Variants in DAAM1 observed in about 807,000 individuals in gnomAD.
The protein encoded by DAAM1 is disheveled-associated activator of morphogenesis 1.
A neutral mutation model predicts 130.0 loss-of-function variants in DAAM1; 52 were observed. The ratio of observed to expected loss-of-function variants is 0.40; its 90% CI spans 0.32 to 0.50. The LOEUF (loss-of-function observed/expected upper bound fraction) is 0.50, where lower values mean the gene tolerates loss of function less well. Among genes scored for constraint, DAAM1 ranks in the 20% least tolerant of loss-of-function variants. The probability of loss-of-function intolerance (pLI) is 0.61; values close to 1 mark genes in which losing one functional copy is unlikely to be tolerated. For missense variants in DAAM1, 1,134 were observed against 1,303.8 expected (o/e 0.87, Z 2.01); for synonymous variants, 452 against 444.5 (o/e 1.02, Z -0.21).
At position 59,263,490 on chromosome 14, in the gene DAAM1, A is replaced by C. The variant is rs1051918484; in HGVS notation, c.13A>C (p.Lys5Gln). 1.2e-6 allele frequency: 2 copies of C among 1,614,232 alleles called. No homozygotes were observed. The highest frequency in any genetic ancestry group is 2.2e-5 in the South Asian group (2 of 91,088). Residue 5 changes from lysine (K) to glutamine (Q), a missense_variant, in exon 2 of 25, where the codon AAG becomes CAG. Transcript: ENST00000360909. MAPR[K>Q]RGGRGISFIF... ...ACAGAATTCAGCCATGGCCCCAAGA[A>C]AGAGAGGTGGACGAGGTATTTCATT...
At position 59,368,683 on chromosome 14, in the gene DAAM1, A is replaced by G. The variant is rs142026760; in HGVS notation, c.3031A>G (p.Arg1011Gly). Residue 1011 changes from arginine (R) to glycine (G), a missense_variant, in exon 25 of 25, where the codon AGA (arginine) becomes GGA (glycine). By Grantham distance (125) the Arg-to-Gly change is moderately radical. Coordinates refer to ENST00000360909, the MANE Select transcript of DAAM1 (RefSeq NM_001270520.2). ...ACAACGTGAAAGGGAACGTAAAATG[A>G]GAAAAGCTAAAGAGAATAGTGAAGA... ...KEQRERERKM[R>G]KAKENSEESG... is the part of the protein sequence containing the mutation. 2.1e-4 allele frequency: 342 copies of G among 1,613,630 alleles called. No homozygotes were observed. Among genetic ancestry groups the G allele is most frequent in the Middle Eastern group, 3.3e-4 (2 of 6,084 alleles).
chr14:59,196,948 T>C (rs1887915014), intron 1 of DAAM1, among the ~76,000 whole-genome samples: 1 of 151,918 alleles, frequency 6.6e-6, no homozygotes, highest in South Asian at 2.1e-4. Context: ...TGAGACGGAG[T>C]CTCGCTCTGT....
At position 59,211,267 on chromosome 14, in the gene DAAM1, A is replaced by G. The variant is rs568539637; in HGVS notation, c.-38+22499A>G. Among the ~76,000 whole-genome samples, 46 of 152,292 alleles carry G rather than the reference A, an allele frequency of 3.0e-4. 1 individual carries two copies. Among genetic ancestry groups the G allele is most frequent in the Non-Finnish European group, 4.9e-4 (33 of 68,028 alleles). On this transcript the variant is annotated intron_variant, in intron 1 of 24. Coordinates refer to ENST00000360909, the MANE Select transcript of DAAM1 (RefSeq NM_001270520.2). ...TCCCAGCACACTTTAGAGAAGACAT[A>G]CTGAGTATTATGGTTCTGTTCAGAT...
intron 17 of DAAM1, among the ~76,000 whole-genome samples, chr14:59,351,536 G>A (rs1311527128): frequency 2.0e-5 from 3 of 151,986 alleles, no homozygotes; most frequent in African/African-American, 4.8e-5. Flanking sequence ...TCCAGACCCC[G>A]GCACATAGTA....
chr14:59,256,335 G>A, intron 1 of DAAM1, among the ~76,000 whole-genome samples: 1 of 151,996 alleles, frequency 6.6e-6, no homozygotes, highest in Non-Finnish European at 1.5e-5. Context: ...CTAAAATTTG[G>A]CCTCAGTTTT....
chr14:59,225,637 A>C (rs1289161380), intron 1 of DAAM1, among the ~76,000 whole-genome samples: 1 of 152,052 alleles, frequency 6.6e-6, no homozygotes, highest in Non-Finnish European at 1.5e-5. Context: ...GGGATTCTGG[A>C]TTTGTCAGGG....
At chr14:59,306,095 C>T (rs182054239) in intron 3 of DAAM1, among the ~76,000 whole-genome samples, 2 of 147,716 alleles carry the variant, frequency 1.4e-5, no homozygotes, top group East Asian at 4.0e-4. Flanking sequence ...TTTTTTTTAA[C>T]ATGATGACCA....
intron 1 of DAAM1, among the ~76,000 whole-genome samples, chr14:59,251,390 T>C (rs1449006909): frequency 1.3e-5 from 2 of 151,604 alleles, no homozygotes; most frequent in African/African-American, 2.4e-5. Context: ...AGATTGCCCA[T>C]TGTGGGGCTG....
chr14:59,350,212 G>C (rs1886238260), intron 17 of DAAM1, among the ~76,000 whole-genome samples: 1 of 152,020 alleles, frequency 6.6e-6, no homozygotes, highest in African/African-American at 2.4e-5. Context: ...GTCCCATTAG[G>C]ATGGAGGGGA....
At chr14:59,223,173 G>A (rs1888830708) in intron 1 of DAAM1, among the ~76,000 whole-genome samples, 2 of 152,220 alleles carry the variant, frequency 1.3e-5, no homozygotes, top group African/African-American at 4.8e-5. Context: ...GGGCATTTGA[G>A]CCATGATGAC....
At chr14:59,242,703 C>T (rs140713232) in intron 1 of DAAM1, among the ~76,000 whole-genome samples, 1,685 of 152,176 alleles carry the variant, frequency 0.011, 30 homozygotes, top group African/African-American at 0.038. Flanking sequence ...GGACTACAGG[C>T]ACCCGCCACC....
chr14:59,328,908 A>C (rs1458527079), intron 12 of DAAM1, among the ~76,000 whole-genome samples: 1 of 152,198 alleles, frequency 6.6e-6, no homozygotes, highest in African/African-American at 2.4e-5. Flanking sequence ...TCAGGTGGCA[A>C]AATTGTATTC....
At chr14:59,279,765 C>T (rs895853006) in intron 2 of DAAM1, among the ~76,000 whole-genome samples, 5 of 152,072 alleles carry the variant, frequency 3.3e-5, no homozygotes, top group African/African-American at 1.2e-4. Context: ...TTAAAAAACA[C>T]GTGGTGATCA....
intron 9 of DAAM1, 57 bp from the exon 10 acceptor site, chr14:59,325,903 A>G: frequency 6.4e-7 from 1 of 1,563,446 alleles, no homozygotes; most frequent in Non-Finnish European, 8.8e-7. Flanking sequence ...TTTACTTTAC[A>G]CTGGGGAAAC....
intron 1 of DAAM1, among the ~76,000 whole-genome samples, chr14:59,193,966 C>T (rs867054736): frequency 3.9e-5 from 6 of 152,166 alleles, no homozygotes; most frequent in Admixed American, 1.3e-4. Context: ...CCATGGGCTA[C>T]GTCATTGACT....
chr14:59,315,918 G>T (rs1884775030), intron 4 of DAAM1, among the ~76,000 whole-genome samples: 1 of 152,182 alleles, frequency 6.6e-6, no homozygotes, highest in African/African-American at 2.4e-5. Context: ...TTAGTACATG[G>T]ATTGTTGGTT....
At chr14:59,302,552 T>C (rs1046245563) in intron 3 of DAAM1, among the ~76,000 whole-genome samples, 1 of 152,184 alleles carries the variant, frequency 6.6e-6, no homozygotes, top group Non-Finnish European at 1.5e-5. Flanking sequence ...CTCCAATCCC[T>C]GGAGGAGACT....
intron 12 of DAAM1, among the ~76,000 whole-genome samples, chr14:59,329,725 T>A (rs549391269): frequency 4.8e-4 from 73 of 152,334 alleles, no homozygotes; most frequent in Middle Eastern, 6.8e-3. Flanking sequence ...AATGTGAATA[T>A]GCATTATGCT....
intron 17 of DAAM1, among the ~76,000 whole-genome samples, chr14:59,349,619 G>A (rs182427247): frequency 9.3e-4 from 142 of 152,334 alleles, no homozygotes; most frequent in Middle Eastern, 3.4e-3. Flanking sequence ...GTGCCTGGTG[G>A]CTGCTTTCAT....
Sources: allele counts gnomAD v4.1 joint callset (sites outside exome capture counted in the v4.1 genomes callset), GRCh38; gene constraint gnomAD v4.1.1; transcripts MANE v1.5; gene names NCBI Gene and HGNC (gene_info 2026-07-23, HGNC 2026-07-21).